The following CCNY variants were observed in gnomAD, a reference collection of about 807,000 sequenced individuals.
The protein encoded by CCNY is cyclin-Y.
A neutral mutation model predicts 42.8 loss-of-function variants in CCNY; 19 were observed. The observed-to-expected ratio is 0.44, with a 90% CI of 0.31 to 0.65. The LOEUF (loss-of-function observed/expected upper bound fraction) is 0.65. Ranked by LOEUF, CCNY falls within the 30% of genes least tolerant of loss-of-function variation. CCNY has a pLI of 0.07. For synonymous variants in CCNY, 165 were observed against 162.7 expected, an observed-to-expected ratio of 1.01 and a Z score of -0.11; for missense variants, 370 against 437.3, an observed-to-expected ratio of 0.85 and a Z score of 1.37.
At chr10:35,374,431 C>A (rs1245913956) in intron 1 of CCNY, among the ~76,000 whole-genome samples, 1 of 152,196 alleles carries the variant, frequency 6.6e-6, no homozygotes, top group Non-Finnish European at 1.5e-5. Flanking sequence ...CCCTGTTGAT[C>A]TCCACGGCCA....
chr10:35,305,175 G>A (rs912680086), intron 3 of CCNY, among the ~76,000 whole-genome samples: 2 of 152,148 alleles, frequency 1.3e-5, no homozygotes, highest in East Asian at 3.8e-4. Flanking sequence ...TATCCTTTAC[G>A]TAACTGGCAA....
chr10:35,337,475 G>A (rs1447825786), intron 1 of CCNY, among the ~76,000 whole-genome samples: 1 of 152,216 alleles, frequency 6.6e-6, no homozygotes, highest in Non-Finnish European at 1.5e-5. Flanking sequence ...CGCGTGGGTC[G>A]CGAGGTGACA....
At chr10:35,391,753 T>C (rs1186287285) in intron 1 of CCNY, among the ~76,000 whole-genome samples, 1 of 152,128 alleles carries the variant, frequency 6.6e-6, no homozygotes, top group East Asian at 1.9e-4. Flanking sequence ...ATCAAGCAGG[T>C]TCTCAGTCAG....
Position 35,516,529 on chromosome 10 carries a change from C to G in CCNY, c.271C>G (p.Pro91Ala). 1 of 1,612,440 alleles carries G rather than the reference C, an allele frequency of 6.2e-7. No individual in the cohort carries two copies. Among genetic ancestry groups the G allele is most frequent in the Non-Finnish European group, 8.5e-7 (1 of 1,178,798 alleles). ...RKSLFINHHP[P>A]GQIARKYSSC... ...TCTTGCTGTTGTTTTCTAGCATCCT[C>G]CAGGACAAATAGCAAGGAAATACAG... is the stretch of plus-strand genomic sequence containing the variant. Residue 91 changes from proline to alanine, a missense_variant, in exon 4 of 10, where the codon CCA becomes GCA. This residue lies in a region of CCNY where 136 missense variants were observed against 124.2 expected (regional missense o/e 1.09). Coordinates refer to ENST00000374704, the MANE Select transcript of CCNY (RefSeq NM_145012.6).
At chr10:35,555,594 A>G (rs1451042614) in intron 8 of CCNY, among the ~76,000 whole-genome samples, 1 of 152,240 alleles carries the variant, frequency 6.6e-6, no homozygotes. Flanking sequence ...CCCATTTTAC[A>G]GATGGAAACG....
At chr10:35,261,993 C>T (rs945122362) in intron 3 of CCNY, among the ~76,000 whole-genome samples, 4 of 151,500 alleles carry the variant, frequency 2.6e-5, no homozygotes, top group Non-Finnish European at 5.9e-5. Flanking sequence ...TGCACTCCAG[C>T]CTGGTCAAAA....
chr10:35,376,919 A>G (rs997759036), intron 1 of CCNY, among the ~76,000 whole-genome samples: 1 of 152,170 alleles, frequency 6.6e-6, no homozygotes, highest in African/African-American at 2.4e-5. Flanking sequence ...AGTGACTGCT[A>G]AAGGGTTTGG....
intron 1 of CCNY, among the ~76,000 whole-genome samples, chr10:35,399,709 T>C (rs1837602941): frequency 1.3e-5 from 2 of 152,166 alleles, no homozygotes; most frequent in African/African-American, 4.8e-5. Flanking sequence ...AGGGGTTATC[T>C]CTCTTCTGCA....
At chr10:35,400,868 A>G (rs1837628403) in intron 1 of CCNY, among the ~76,000 whole-genome samples, 1 of 152,238 alleles carries the variant, frequency 6.6e-6, no homozygotes, top group Non-Finnish European at 1.5e-5. Context: ...ATGACTTCCC[A>G]GACTACTGTG....
chr10:35,545,129 T>C (rs998013410), intron 7 of CCNY, among the ~76,000 whole-genome samples: 4 of 152,202 alleles, frequency 2.6e-5, no homozygotes, highest in East Asian at 1.9e-4. Flanking sequence ...CCCAGACTTA[T>C]TTTTGAACGT....
At chr10:35,518,868 C>G (rs1840484710) in intron 4 of CCNY, among the ~76,000 whole-genome samples, 1 of 118,350 alleles carries the variant, frequency 8.4e-6, no homozygotes, top group Non-Finnish European at 1.8e-5. Flanking sequence ...GGATTTTTAA[C>G]AGATCTTGAT....
chr10:35,407,564 C>G (rs567952343), intron 1 of CCNY, among the ~76,000 whole-genome samples: 1 of 152,068 alleles, frequency 6.6e-6, no homozygotes, highest in Non-Finnish European at 1.5e-5. Flanking sequence ...ATGGAAAAAT[C>G]GAAAGTGCCG....
At chr10:35,278,307 G>C (rs1458600665) in intron 3 of CCNY, among the ~76,000 whole-genome samples, 1 of 152,110 alleles carries the variant, frequency 6.6e-6, no homozygotes, top group Non-Finnish European at 1.5e-5. Context: ...AGGGAGAGGA[G>C]AGAGCACACG....
At position 35,569,729 on chromosome 10, in the gene CCNY, T is replaced by A. The variant is rs571150340; in HGVS notation, c.*559T>A. On this transcript the variant is annotated 3_prime_UTR_variant, in exon 10 of 10. Transcript: ENST00000374704. ...ACTTCCAAATAAATAGTACTGGTCATTTCTCTCTGCACTATTTCTGCGCGC... is the reference window on the plus strand; with the variant it reads ...ACTTCCAAATAAATAGTACTGGTCAATTCTCTCTGCACTATTTCTGCGCGC... The A allele has an allele frequency of 1.9e-5, 3 of 156,356 alleles. No homozygotes were observed. Among genetic ancestry groups the A allele is most frequent in the South Asian group, 3.9e-4 (2 of 5,106 alleles). The allele number at this position is 156,356 out of a possible 1,614,324, so 9.7% of individuals were successfully genotyped here.
At chr10:35,540,022 G>A (rs1262719281) in intron 7 of CCNY, among the ~76,000 whole-genome samples, 1 of 152,178 alleles carries the variant, frequency 6.6e-6, no homozygotes, top group African/African-American at 2.4e-5. Context: ...AATAGAGATA[G>A]TTTTACTTCT....
intron 1 of CCNY, among the ~76,000 whole-genome samples, chr10:35,362,579 T>G (rs112327715): frequency 7.2e-6 from 1 of 137,934 alleles, no homozygotes; most frequent in Non-Finnish European, 1.6e-5. Context: ...AGGGTACCAG[T>G]TTTTTTTTTT....
At chr10:35,285,517 T>C (rs2135057687) in intron 3 of CCNY, among the ~76,000 whole-genome samples, 1 of 152,292 alleles carries the variant, frequency 6.6e-6, no homozygotes, top group African/African-American at 2.4e-5. Context: ...CTTGACTTCC[T>C]GTACTCAAGT....
chr10:35,515,718 A>C (rs1474641559), intron 3 of CCNY, among the ~76,000 whole-genome samples: 1 of 152,192 alleles, frequency 6.6e-6, no homozygotes, highest in African/African-American at 2.4e-5. Flanking sequence ...ATCCAGATTG[A>C]TGTGTACTAA....
intron 1 of CCNY, among the ~76,000 whole-genome samples, chr10:35,374,159 C>T (rs1041218039): frequency 6.6e-6 from 1 of 152,170 alleles, no homozygotes; most frequent in African/African-American, 2.4e-5. Context: ...ATTTTTGGCC[C>T]TTTCCTTTGT....
Sources: gnomAD v4.1 joint callset for allele counts (sites outside exome capture counted in the v4.1 genomes callset) on GRCh38, gnomAD v4.1.1 for gene constraint, gnomAD v4.1.1 regional missense constraint, MANE v1.5 for transcripts, NCBI Gene and HGNC (gene_info 2026-07-23, HGNC 2026-07-21) for gene names.